The following DCAF6 variants were observed in gnomAD, a reference collection of about 807,000 sequenced individuals.
DCAF6 encodes DDB1- and CUL4-associated factor 6.
Under a neutral mutation model 125.1 loss-of-function variants are expected in DCAF6, and 54 were observed. The ratio of observed to expected loss-of-function variants is 0.43; its 90% CI spans 0.35 to 0.54. DCAF6 has a LOEUF of 0.54. DCAF6 is among the 20% of genes least tolerant of loss of function. The probability of loss-of-function intolerance (pLI) is 0.01; values close to 1 mark genes in which losing one functional copy is unlikely to be tolerated. For synonymous variants in DCAF6, 371 were observed against 390.4 expected (o/e 0.95, Z 0.58); for missense variants, 934 against 1,161.7 (o/e 0.80, Z 2.85).
intron 13 of DCAF6, among the ~76,000 whole-genome samples, chr1:168,039,786 TTA>T (rs1238876062): frequency 2.0e-5 from 3 of 150,176 alleles, no homozygotes; most frequent in Admixed American, 1.3e-4. Context: ...ATGTAATGAA[TTA>T]TATGTTGATA....
chr1:167,993,867 C>T (rs926096052), intron 7 of DCAF6, among the ~76,000 whole-genome samples: 2 of 151,954 alleles, frequency 1.3e-5, no homozygotes, highest in Non-Finnish European at 2.9e-5. Flanking sequence ...ATTTTCAAGG[C>T]ACTTACAGTT....
At chr1:167,876,955 A>G in the DCAF6 span, among the ~76,000 whole-genome samples, 8 of 152,092 alleles carry the variant, frequency 5.3e-5, no homozygotes, top group Non-Finnish European at 1.2e-4. Flanking sequence ...AGTTATCCCA[A>G]CTGAGGCCGC....
chr1:168,009,652 G>A (rs1320566680), intron 10 of DCAF6, among the ~76,000 whole-genome samples: 1 of 151,186 alleles, frequency 6.6e-6, no homozygotes, highest in East Asian at 2.0e-4. Flanking sequence ...CTGTATGCTT[G>A]GGAAGCCCTT....
intron 1 of DCAF6, among the ~76,000 whole-genome samples, chr1:167,937,614 G>C (rs1041086382): frequency 6.6e-6 from 1 of 152,186 alleles, no homozygotes; most frequent in African/African-American, 2.4e-5. Flanking sequence ...CTTAAAGGTG[G>C]TGTAGGGTTT....
At chr1:167,941,661 G>A (rs1250538571) in intron 1 of DCAF6, among the ~76,000 whole-genome samples, 3 of 152,150 alleles carry the variant, frequency 2.0e-5, no homozygotes, top group Non-Finnish European at 2.9e-5. Flanking sequence ...GTTCTAGATG[G>A]TGTGTAGTTC....
chr1:168,066,755 A>G (rs995001573), intron 20 of DCAF6, among the ~76,000 whole-genome samples: 2 of 152,166 alleles, frequency 1.3e-5, no homozygotes, highest in African/African-American at 2.4e-5. Context: ...ACAATAAAGA[A>G]TCACACACAA....
intron 4 of DCAF6, among the ~76,000 whole-genome samples, chr1:167,984,794 G>A (rs376283008): frequency 5.1e-4 from 78 of 152,208 alleles, no homozygotes; most frequent in African/African-American, 1.5e-3. Context: ...TTCAATTGAA[G>A]CAAAGGACAT....
chr1:167,871,085 T>C, the DCAF6 span, among the ~76,000 whole-genome samples: 1 of 152,136 alleles, frequency 6.6e-6, no homozygotes, highest in African/African-American at 2.4e-5. Context: ...TTGTTTTTTG[T>C]TTTTTGTTTT....
chr1:168,038,658 G>A (rs1688132454), intron 13 of DCAF6, among the ~76,000 whole-genome samples, 170 bp downstream of exon 13: 1 of 151,942 alleles, frequency 6.6e-6, no homozygotes, highest in Non-Finnish European at 1.5e-5. Context: ...GCATATTACT[G>A]GACCCCACTC....
At chr1:167,888,410 A>AT in the DCAF6 span, among the ~76,000 whole-genome samples, 92 of 146,518 alleles carry the variant, frequency 6.3e-4, no homozygotes, top group East Asian at 1.4e-3. Context: ...AATATCTTTC[A>AT]TTTTTTTTTT....
the DCAF6 span, chr1:167,875,196 A>G: frequency 1.2e-6 from 2 of 1,613,384 alleles, no homozygotes; most frequent in East Asian, 2.2e-5. Flanking sequence ...GCTGAAGAGA[A>G]GAACAAAAGA....
At chr1:167,929,160 A>G in the DCAF6 span, among the ~76,000 whole-genome samples, 1 of 151,130 alleles carries the variant, frequency 6.6e-6, no homozygotes, top group East Asian at 1.9e-4. Flanking sequence ...GGAGTTTGAG[A>G]CTAGCCTGAC....
chr1:167,870,425 T>C, the DCAF6 span: 1 of 1,596,460 alleles, frequency 6.3e-7, no homozygotes, highest in South Asian at 1.1e-5. Flanking sequence ...TATTTTTAGT[T>C]TTAAAAAAGA....
At chr1:167,890,530 T>C in the DCAF6 span, among the ~76,000 whole-genome samples, 1 of 152,160 alleles carries the variant, frequency 6.6e-6, no homozygotes, top group African/African-American at 2.4e-5. Flanking sequence ...GCACTGGATA[T>C]TGCCCAAGGC....
At chr1:167,870,806 TAAA>T in the DCAF6 span, among the ~76,000 whole-genome samples, 2 of 128,998 alleles carry the variant, frequency 1.6e-5, no homozygotes, top group African/African-American at 2.8e-5. Context: ...AAACTCCATC[TAAA>T]AAAAAAAAAA....
At chr1:167,891,397 C>G in the DCAF6 span, among the ~76,000 whole-genome samples, 1 of 151,850 alleles carries the variant, frequency 6.6e-6, no homozygotes, top group African/African-American at 2.4e-5. Context: ...TGGCTCACAT[C>G]TGTAATCCCA....
chr1:167,918,074 C>A, the DCAF6 span: 24 of 361,208 alleles, frequency 6.6e-5, no homozygotes, highest in African/African-American at 5.1e-4. Flanking sequence ...GGGGTATATA[C>A]GAGCAAGTAT....
intron 16 of DCAF6, among the ~76,000 whole-genome samples, chr1:168,048,343 TTGA>T (rs1689398221): frequency 6.6e-6 from 1 of 152,226 alleles, no homozygotes; most frequent in South Asian, 2.1e-4. Context: ...TATACTTAAT[TTGA>T]TCTGTACTTT....
At chr1:167,954,414 A>G (rs187138274) in intron 2 of DCAF6, among the ~76,000 whole-genome samples, 1 of 151,690 alleles carries the variant, frequency 6.6e-6, no homozygotes, top group East Asian at 1.9e-4. Context: ...TTTGTGAATT[A>G]CCCCTAGATT....
Sources: allele counts gnomAD v4.1 joint callset (sites outside exome capture counted in the v4.1 genomes callset), GRCh38; gene constraint gnomAD v4.1.1; transcripts MANE v1.5; gene names NCBI Gene and HGNC (gene_info 2026-07-23, HGNC 2026-07-21).